The following SMG1 variants were observed in gnomAD, a reference collection of about 807,000 sequenced individuals.
SMG1 encodes SMG1 nonsense mediated mRNA decay associated PI3K related kinase, also known as serine/threonine-protein kinase SMG1.
Under a neutral mutation model 419.9 loss-of-function variants are expected in SMG1, and 22 were observed. The ratio of observed to expected loss-of-function variants is 0.05; its 90% CI spans 0.04 to 0.07. The LOEUF (loss-of-function observed/expected upper bound fraction) is 0.07, where lower values mean the gene tolerates loss of function less well. SMG1 is among the 10% of genes least tolerant of loss of function. SMG1 has a pLI of 1.00. For missense variants in SMG1, 3,185 were observed against 4,342.0 expected, an observed-to-expected ratio of 0.73 and a Z score of 7.49; for synonymous variants, 1,538 against 1,553.5, an observed-to-expected ratio of 0.99 and a Z score of 0.23.
At chr16:18,891,437 C>CTTT (rs71141088) in intron 4 of SMG1, among the ~76,000 whole-genome samples, 10 of 142,542 alleles carry the variant, frequency 7.0e-5, no homozygotes, top group Non-Finnish European at 1.5e-4. Flanking sequence ...TTATCAAGTT[C>CTTT]TTTTTTTTTT....
chr16:18,890,869 T>A lies in SMG1; in HGVS notation c.602A>T (p.Asn201Ile), dbSNP rs749124941. ...ACCATTATTAGTTACTTACCTTTCA[T>A]TAAGCACGTCATGTACAGCAGCCAA... ...NILAAVHDVL[N>I]ESSKLLQELR... The change falls in exon 5 of 63, where the codon AAT becomes ATT. Residue 201 changes from asparagine to isoleucine, a missense_variant. Physicochemically the swap from Asn to Ile is moderately radical, Grantham distance 149 (BLOSUM62 -3). This residue lies in a region of SMG1 where 20 missense variants were observed against 54.7 expected (regional missense o/e 0.37). Transcript: ENST00000446231. 3.2e-6 allele frequency: 5 copies of A among 1,570,952 alleles called. No homozygotes were observed. The South Asian group carries it at 5.6e-5, about 17-fold the overall frequency.
intron 36 of SMG1, 68 bp downstream of exon 36, chr16:18,849,149 T>G: frequency 9.7e-7 from 1 of 1,034,784 alleles, no homozygotes; most frequent in Non-Finnish European, 1.3e-6. Context: ...GCTTAAAAAC[T>G]TTGACCTCAC....
intron 52 of SMG1, 39 bp downstream of exon 52, chr16:18,830,180 T>C (rs369514411): frequency 4.1e-5 from 66 of 1,611,164 alleles, no homozygotes; most frequent in Non-Finnish European, 5.5e-5. Context: ...AACTACTTTA[T>C]GGCACTTGCA....
intron 1 of SMG1, among the ~76,000 whole-genome samples, chr16:18,914,163 T>C (rs1359853710): frequency 7.1e-6 from 1 of 141,494 alleles, no homozygotes; most frequent in Admixed American, 7.3e-5. Flanking sequence ...CAAAACTCCA[T>C]CTCAAAAAAA....
At position 18,926,392 on chromosome 16, in the gene SMG1, A is replaced by C; in HGVS notation, c.-351T>G. The C allele has an allele frequency of 4.6e-6, 1 of 218,560 alleles. No individual in the cohort carries two copies. The highest frequency in any genetic ancestry group is 9.1e-6 in the Non-Finnish European group (1 of 110,168). 13.5% of individuals were successfully genotyped at this position (218,560 alleles called of 1,614,324 possible). On this transcript the variant is annotated 5_prime_UTR_variant, in exon 1 of 63. Transcript: ENST00000446231. Reference sequence around the variant, plus strand: ...GAGCAGGCGGTGGCGGCAGCTCCTCACGCTCACACGGCCACTGCTTCCCCG... The same window carrying C: ...GAGCAGGCGGTGGCGGCAGCTCCTCCCGCTCACACGGCCACTGCTTCCCCG...
At chr16:18,817,113 C>T (rs921966729) in intron 57 of SMG1, among the ~76,000 whole-genome samples, 178 bp downstream of exon 57, 12 of 12,962 alleles carry the variant, frequency 9.3e-4, no homozygotes, top group South Asian at 1.5e-3. Flanking sequence ...TAATATGTTT[C>T]GGGGCGGGGG....
In SMG1 at chr16:18,892,233, T is replaced by A; in HGVS notation, c.534A>T (p.Gln178His). The A allele has an allele frequency of 6.5e-7, 1 of 1,548,838 alleles. No homozygotes were observed. The highest frequency in any genetic ancestry group is 8.7e-7 in the Non-Finnish European group (1 of 1,144,750). Residue 178 changes from glutamine (Q) to histidine (H), a missense_variant, in exon 4 of 63, where the codon CAA becomes CAT. This residue lies in a region of SMG1 where 20 missense variants were observed against 54.7 expected (regional missense o/e 0.37). Coordinates refer to ENST00000446231, the MANE Select transcript of SMG1 (RefSeq NM_015092.5). ...TVKQLKEFIQQPENKLVLVKQ... is the reference protein window; with the variant it reads ...TVKQLKEFIQHPENKLVLVKQ... ...CTATACTTACCAGCTTATTTTCTGG[T>A]TGCTGAATAAATTCTTTCAACTGCT... is the stretch of plus-strand genomic sequence containing the variant.
intron 56 of SMG1, among the ~76,000 whole-genome samples, chr16:18,817,812 T>C (rs1481966747): frequency 2.6e-5 from 4 of 152,206 alleles, no homozygotes; most frequent in Non-Finnish European, 5.9e-5. Flanking sequence ...GACACTTCTG[T>C]CAGAATGTTC....
intron 13 of SMG1, among the ~76,000 whole-genome samples, chr16:18,874,295 C>T (rs1321694831): frequency 6.6e-6 from 1 of 151,834 alleles, no homozygotes; most frequent in Non-Finnish European, 1.5e-5. Context: ...TGCACCACCA[C>T]CCCTGGCTAA....
intron 1 of SMG1, among the ~76,000 whole-genome samples, chr16:18,904,062 C>T (rs2037458308): frequency 6.6e-6 from 1 of 151,164 alleles, no homozygotes; most frequent in East Asian, 2.0e-4. Flanking sequence ...CTCAGCCTCC[C>T]GAGTAGCTGG....
rs369378228 is a variant in SMG1, at chr16:18,869,229, C to A, written c.2708G>T (p.Arg903Leu). The A allele has an allele frequency of 2.5e-6, 4 of 1,611,452 alleles. No homozygotes were observed. Among genetic ancestry groups the A allele is most frequent in the Non-Finnish European group, 3.4e-6 (4 of 1,179,542 alleles). Residue 903 changes from arginine to leucine, a missense_variant, in exon 20 of 63, where the codon CGC becomes CTC. This residue lies in a region of SMG1 where 48 missense variants were observed against 48.8 expected (regional missense o/e 0.98). Transcript: ENST00000446231. ...GACAGCATCTGTCTTCAGGAGATTG[C>A]GTGGAATTGTTGACTGGTCACGCTT... Reference protein sequence around the residue: ...LDKRDQSTIPRNLLKTDAVLW... With the variant: ...LDKRDQSTIPLNLLKTDAVLW...
At chr16:18,899,833 C>T (rs1271023008) in intron 1 of SMG1, among the ~76,000 whole-genome samples, 4 of 151,994 alleles carry the variant, frequency 2.6e-5, no homozygotes, top group African/African-American at 7.2e-5. Context: ...AGAATCCTAG[C>T]AATGATCCAA....
chr16:18,849,881 C>A (rs1456407250), intron 35 of SMG1, 68 bp downstream of exon 35: 1 of 1,460,840 alleles, frequency 6.8e-7, no homozygotes, highest in Non-Finnish European at 9.3e-7. Flanking sequence ...ATAAGGAAAC[C>A]ACTTTTTGAA....
chr16:18,806,875 G>A lies in SMG1; in HGVS notation c.*2694C>T, dbSNP rs1327892691. The stretch of plus-strand genomic sequence containing the variant: ...AACTTTTCTCAGTCTAACTGCTGAG[G>A]TCTCTTACGAAAGTTCAAATGGCAA... On this transcript the variant is annotated 3_prime_UTR_variant, in exon 63 of 63. Coordinates refer to ENST00000446231, the MANE Select transcript of SMG1 (RefSeq NM_015092.5). 1 of 152,192 alleles carries A rather than the reference G, an allele frequency of 6.6e-6. No homozygotes were observed. Among genetic ancestry groups the A allele is most frequent in the African/African-American group, 2.4e-5 (1 of 41,440 alleles). The allele number at this position is 152,192 out of a possible 1,614,324, so 9.4% of individuals were successfully genotyped here.
Position 18,847,719 on chromosome 16 carries a change from T to A in SMG1, c.5841+97A>T, listed in dbSNP as rs574172038. The A allele has an allele frequency of 1.6e-5, 25 of 1,567,314 alleles. 2 individuals carry two copies. In the South Asian group the frequency reaches 2.8e-4, roughly 18 times the overall value. ...GTGCAATTGGTGCTCATTATACAATTGGAGAACCCTGACCAGTGATTGTCA... is the reference window on the plus strand; with the variant it reads ...GTGCAATTGGTGCTCATTATACAATAGGAGAACCCTGACCAGTGATTGTCA... On this transcript the variant is annotated intron_variant, in intron 37 of 62. Coordinates refer to ENST00000446231, the MANE Select transcript of SMG1 (RefSeq NM_015092.5).
At chr16:18,819,090 T>C (rs1596465908) in intron 56 of SMG1, among the ~76,000 whole-genome samples, 1 of 151,802 alleles carries the variant, frequency 6.6e-6, no homozygotes, top group Admixed American at 6.6e-5. Flanking sequence ...GTGCTGGGAT[T>C]ACAGGCGTAA....
intron 1 of SMG1, among the ~76,000 whole-genome samples, chr16:18,907,979 A>G (rs759302362): frequency 2.6e-5 from 4 of 152,030 alleles, no homozygotes; most frequent in Non-Finnish European, 5.9e-5. Context: ...CCAAGATTGA[A>G]AGGAAATATC....
chr16:18,807,257 C>T lies in SMG1; in HGVS notation c.*2312G>A, dbSNP rs909243493. On this transcript the variant is annotated 3_prime_UTR_variant, in exon 63 of 63. Transcript: ENST00000446231. Reference sequence around the variant, plus strand: ...TGCTAAACTAATGTGAACTGACTATCATTGCGATAAAAGTTTTTCCTTATG... The same window carrying T: ...TGCTAAACTAATGTGAACTGACTATTATTGCGATAAAAGTTTTTCCTTATG... The T allele has an allele frequency of 1.3e-5, 2 of 152,150 alleles. No homozygotes were observed. Among genetic ancestry groups the T allele is most frequent in the Non-Finnish European group, 2.9e-5 (2 of 68,012 alleles). 9.4% of individuals were successfully genotyped at this position (152,150 alleles called of 1,614,324 possible). A position where few individuals can be genotyped will look rare whatever the true frequency, so the allele number is the denominator to read the frequency against.
chr16:18,813,552 C>G (rs1252907326), intron 60 of SMG1, among the ~76,000 whole-genome samples: 1 of 152,066 alleles, frequency 6.6e-6, no homozygotes, highest in Admixed American at 6.6e-5. Flanking sequence ...TTTGTAGATT[C>G]TGGATATTAG....
Sources: gnomAD v4.1 joint callset for allele counts (sites outside exome capture counted in the v4.1 genomes callset) on GRCh38, gnomAD v4.1.1 for gene constraint, gnomAD v4.1.1 regional missense constraint, MANE v1.5 for transcripts, NCBI Gene and HGNC (gene_info 2026-07-23, HGNC 2026-07-21) for gene names.